Variants in ZNF594 observed in about 807,000 individuals in gnomAD.
The protein encoded by ZNF594 is zinc finger protein 594.
For synonymous variants in ZNF594, 336 were observed against 309.4 expected, an observed-to-expected ratio of 1.09 and a Z score of -0.90; for missense variants, 1,037 against 964.6, an observed-to-expected ratio of 1.08 and a Z score of -0.99.
chr17:5,183,711 A>C lies in ZNF594; in HGVS notation c.546T>G (p.Pro182=). The C allele has an allele frequency of 6.2e-7, 1 of 1,613,668 alleles. No homozygotes were observed. Among genetic ancestry groups the C allele is most frequent in the Non-Finnish European group, 8.5e-7 (1 of 1,179,840 alleles). The change falls in exon 2 of 2, where the codon CCT becomes CCG. Residue 182 remains proline, a synonymous_variant. Transcript: ENST00000575779. ...IHQRIHTGKK[P]YICHECGKDF... ...CTTTTCCACATTCATGACATATATA[A>C]GGTTTCTTTCCTGTATGAATTCTCT...
downstream of ZNF594, among the ~76,000 whole-genome samples, chr17:5,177,706 C>G (rs774051569): frequency 2.6e-4 from 40 of 151,994 alleles, no homozygotes; most frequent in Admixed American, 4.6e-4. Context: ...GGTGGTGGCA[C>G]GCACCTGTAA....
At chr17:5,184,475 C>G in intron 1 of ZNF594, 199 bp from the exon 2 acceptor site, 1 of 573,428 alleles carries the variant, frequency 1.7e-6, no homozygotes, top group Non-Finnish European at 3.0e-6. Flanking sequence ...AAAAACCCGC[C>G]AGGGTGCAGG....
At chr17:5,179,008 C>T (rs371198344), downstream of ZNF594, among the ~76,000 whole-genome samples, 60 of 152,024 alleles carry the variant, frequency 3.9e-4, no homozygotes, top group African/African-American at 1.3e-3. Context: ...ATTCACAAAA[C>T]GTCGCTTCAC....
At position 5,191,832 on chromosome 17, in the gene ZNF594, T is replaced by G. The variant is rs2074427489; in HGVS notation, c.-105A>C. ...GGTCGCGGCTCCTAGCGCCACCATC[T>G]TGGACCCCGCGCCTGGGCCAGGCGA... On this transcript the variant is annotated 5_prime_UTR_variant, in exon 1 of 2. Transcript: ENST00000575779. 6.6e-6 allele frequency: 1 copy of G among 152,104 alleles called. No individual in the cohort carries two copies. Among genetic ancestry groups the G allele is most frequent in the Non-Finnish European group, 1.5e-5 (1 of 68,046 alleles). The allele number at this position is 152,104 out of a possible 1,614,324, so 9.4% of individuals were successfully genotyped here.
chr17:5,185,326 A>T (rs1035309148), intron 1 of ZNF594, among the ~76,000 whole-genome samples: 2 of 152,240 alleles, frequency 1.3e-5, no homozygotes, highest in African/African-American at 2.4e-5. Context: ...AGAGAAAATG[A>T]GGAAGATGCA....
chr17:5,187,249 T>C (rs767299310), intron 1 of ZNF594, among the ~76,000 whole-genome samples: 4 of 151,738 alleles, frequency 2.6e-5, no homozygotes, highest in Non-Finnish European at 5.9e-5. Flanking sequence ...CAAGAGAAAA[T>C]GAGGAAGATG....
downstream of ZNF594, among the ~76,000 whole-genome samples, chr17:5,176,980 G>C (rs1307926022): frequency 2.6e-5 from 4 of 152,032 alleles, no homozygotes; most frequent in African/African-American, 9.7e-5. Flanking sequence ...CGGATCACGA[G>C]GTCAGGAGAT....
In ZNF594 at chr17:5,183,686, CTT is replaced by C. The variant is rs766697487; in HGVS notation, c.569_570del (p.Lys190ArgfsTer12). ...ACCAGATTGGAGCTCTGATTGAAGTCTTTTCCACATTCATGACATATATAAGG... is the reference window on the plus strand; with the variant it reads ...ACCAGATTGGAGCTCTGATTGAAGTCTTCCACATTCATGACATATATAAGG... ...KKPYICHECG[K>X]DFNQSSNLVR... On this transcript the variant is annotated frameshift_variant, in exon 2 of 2. Transcript: ENST00000575779. LOFTEE classifies it low-confidence loss of function (END_TRUNC). 1 of 1,614,180 alleles carries C rather than the reference CTT, an allele frequency of 6.2e-7. No individual in the cohort carries two copies. Among genetic ancestry groups the C allele is most frequent in the South Asian group, 1.1e-5 (1 of 91,068 alleles).
At chr17:5,177,333 G>A (rs1027996939), downstream of ZNF594, among the ~76,000 whole-genome samples, 1 of 152,168 alleles carries the variant, frequency 6.6e-6, no homozygotes, top group African/African-American at 2.4e-5. Flanking sequence ...ATAGAGCAGT[G>A]TATTAAGACA....
At chr17:5,190,742 G>C (rs865832520) in intron 1 of ZNF594, among the ~76,000 whole-genome samples, 4 of 152,124 alleles carry the variant, frequency 2.6e-5, no homozygotes, top group Admixed American at 1.3e-4. Flanking sequence ...TCCTAGCAGA[G>C]AGAGAGCCGG....
intron 1 of ZNF594, among the ~76,000 whole-genome samples, chr17:5,186,410 G>A (rs2074386769): frequency 1.3e-5 from 2 of 152,220 alleles, no homozygotes; most frequent in African/African-American, 4.8e-5. Flanking sequence ...CCCTAGGCTG[G>A]ACACAGCATT....
Position 5,179,944 on chromosome 17 carries a change from A to G in ZNF594, c.*1889T>C, listed in dbSNP as rs1005547245. 1.3e-5 allele frequency: 2 copies of G among 152,100 alleles called. No individual in the cohort carries two copies. The highest frequency in any genetic ancestry group is 4.8e-5 in the African/African-American group (2 of 41,408). The allele number at this position is 152,100 out of a possible 1,614,324, so 9.4% of individuals were successfully genotyped here. A position where few individuals can be genotyped will look rare whatever the true frequency, so the allele number is the denominator to read the frequency against. On this transcript the variant is annotated 3_prime_UTR_variant, in exon 2 of 2. Coordinates refer to ENST00000575779, the MANE Select transcript of ZNF594 (RefSeq NM_032530.2). ...GGGGAGTAAAAAGAAGGCCTTGGTG[A>G]TTAAAAAGTTGGAAACCACTGAATT...
rs2074365944 is a variant in ZNF594, at chr17:5,183,697, T to C, written c.560A>G (p.Glu187Gly). ...GCTCTGATTGAAGTCTTTTCCACAT[T>C]CATGACATATATAAGGTTTCTTTCC... ...HTGKKPYICHECGKDFNQSSN... is the reference protein window; with the variant it reads ...HTGKKPYICHGCGKDFNQSSN... The change falls in exon 2 of 2, where the codon GAA becomes GGA. Residue 187 changes from glutamate to glycine, a missense_variant. Coordinates refer to ENST00000575779, the MANE Select transcript of ZNF594 (RefSeq NM_032530.2). 11 of 1,614,126 alleles carry C rather than the reference T, an allele frequency of 6.8e-6. No individual in the cohort carries two copies. The highest frequency in any genetic ancestry group is 8.5e-6 in the Non-Finnish European group (10 of 1,180,022).
rs183269436 is a variant in ZNF594 at position 5,183,867 on chromosome 17, C to T, written c.390G>A (p.Lys130=). Reference sequence around the variant, plus strand: ...TCCTGTTGAAGGTTTTTTCACATTCCTTACATTCATAGGTCTTATTTATAT... The same window carrying T: ...TCCTGTTGAAGGTTTTTTCACATTCTTTACATTCATAGGTCTTATTTATAT... ...IHNINKTYEC[K]ECEKTFNRSS... Residue 130 remains lysine (K), a synonymous_variant, in exon 2 of 2, where the codon AAG becomes AAA. Coordinates refer to ENST00000575779, the MANE Select transcript of ZNF594 (RefSeq NM_032530.2). 4 of 1,613,300 alleles carry T rather than the reference C, an allele frequency of 2.5e-6. No homozygotes were observed. In the East Asian group the frequency reaches 8.9e-5, roughly 36 times the overall value.
chr17:5,186,269 T>C (rs958621340), intron 1 of ZNF594, among the ~76,000 whole-genome samples: 3 of 152,248 alleles, frequency 2.0e-5, no homozygotes, highest in African/African-American at 7.2e-5. Context: ...TTGACTTCTG[T>C]GTACCTAAAG....
In ZNF594 at chr17:5,183,080, T is replaced by C. The variant is rs770088823; in HGVS notation, c.1177A>G (p.Arg393Gly). 1.2e-6 allele frequency: 2 copies of C among 1,614,188 alleles called. No individual in the cohort carries two copies. Among genetic ancestry groups the C allele is most frequent in the Non-Finnish European group, 1.7e-6 (2 of 1,180,034 alleles). ...TCTCCTGTATGAGTTACCTGATGTC[T>C]GATGAGGTCTGAGGTGCCCTGGAAA... The part of the protein sequence containing the change: ...RNFQGTSDLI[R>G]HQVTHTGEKP... Residue 393 changes from arginine to glycine, a missense_variant, in exon 2 of 2, where the codon AGA becomes GGA. Coordinates refer to ENST00000575779, the MANE Select transcript of ZNF594 (RefSeq NM_032530.2).
In ZNF594 at chr17:5,188,963, G is replaced by A. The variant is rs1406383973; in HGVS notation, c.-21+2785C>T. Among the ~76,000 whole-genome samples, 6 of 151,672 alleles carry A rather than the reference G, an allele frequency of 4.0e-5. No individual in the cohort carries two copies. The East Asian group carries it at 1.2e-3, about 29-fold the overall frequency. On this transcript the variant is annotated intron_variant, in intron 1 of 1. Transcript: ENST00000575779. ...GGGGTTTCACCACATTAGCCAGGAT[G>A]GTCTCGATCTCCTGACCTCGTGATC...
In ZNF594 at chr17:5,180,570, T is replaced by C. The variant is rs1014411463; in HGVS notation, c.*1263A>G. The stretch of plus-strand genomic sequence containing the variant: ...CCCCTGGGGCTGGTGCAGTGGCTCA[T>C]GCCGGTAATCCCAACCCTTTGGGAG... On this transcript the variant is annotated 3_prime_UTR_variant, in exon 2 of 2. Transcript: ENST00000575779. The C allele has an allele frequency of 3.0e-5, 5 of 169,184 alleles. No individual in the cohort carries two copies. Among genetic ancestry groups the C allele is most frequent in the Non-Finnish European group, 6.4e-5 (5 of 78,460 alleles). 10.5% of individuals were successfully genotyped at this position (169,184 alleles called of 1,614,324 possible). A position where few individuals can be genotyped will look rare whatever the true frequency, so the allele number is the denominator to read the frequency against.
Position 5,181,960 on chromosome 17 carries a change from C to T in ZNF594, c.2297G>A (p.Cys766Tyr), listed in dbSNP as rs2074345030. The T allele has an allele frequency of 1.2e-6, 2 of 1,613,704 alleles. No homozygotes were observed. The highest frequency in any genetic ancestry group is 1.3e-5 in the African/African-American group (1 of 74,620). The change falls in exon 2 of 2, where the codon TGT becomes TAT. Residue 766 changes from cysteine to tyrosine, a missense_variant. Transcript: ENST00000575779. ...QEKKVYWCNQ[C>Y]SRTFQGSSDL... ...TGAGCTGCCCTGGAAGGTCCTACTA[C>T]ACTGATTACACCAATAAACTTTCTT...
Sources: allele counts gnomAD v4.1 joint callset (sites outside exome capture counted in the v4.1 genomes callset), GRCh38; gene constraint gnomAD v4.1.1; transcripts MANE v1.5; gene names NCBI Gene and HGNC (gene_info 2026-07-23, HGNC 2026-07-21).